EPN2: variants seen among roughly 807,000 people sequenced by gnomAD.
EPN2 encodes the protein epsin 2, also known as epsin-2.
In EPN2, 34 loss-of-function variants were observed where a neutral mutation model predicts 61.7. The observed-to-expected ratio is 0.55, with a 90% CI of 0.42 to 0.73. The LOEUF (loss-of-function observed/expected upper bound fraction) is 0.73, where lower values mean the gene tolerates loss of function less well. Ranked by LOEUF, EPN2 falls within the 30% of genes least tolerant of loss-of-function variation. The pLI is 0.00. For missense variants in EPN2, 714 were observed against 839.2 expected (o/e 0.85, Z 1.84); for synonymous variants, 349 against 353.6 (o/e 0.99, Z 0.15).
intron 1 of EPN2, among the ~76,000 whole-genome samples, chr17:19,278,222 C>T (rs755962910): frequency 2.3e-4 from 35 of 152,158 alleles, no homozygotes; most frequent in Middle Eastern, 6.8e-3. Flanking sequence ...GTGATCTGCC[C>T]GCCTCGGCTT....
intron 5 of EPN2, among the ~76,000 whole-genome samples, chr17:19,311,023 C>T (rs1906112391): frequency 6.6e-6 from 1 of 152,062 alleles, no homozygotes; most frequent in African/African-American, 2.4e-5. Flanking sequence ...GTAGATGGGA[C>T]CAGGGGCAGC....
intron 1 of EPN2, among the ~76,000 whole-genome samples, chr17:19,269,882 A>C (rs534156672): frequency 6.6e-6 from 1 of 152,342 alleles, no homozygotes; most frequent in East Asian, 1.9e-4. Context: ...TTTCCATGCC[A>C]TCTTTTGGCC....
At chr17:19,301,267 A>G (rs1302435649) in intron 4 of EPN2, among the ~76,000 whole-genome samples, 1 of 152,148 alleles carries the variant, frequency 6.6e-6, no homozygotes, top group African/African-American at 2.4e-5. Flanking sequence ...ATCTTGCTCC[A>G]GTATGACCTC....
At chr17:19,267,623 A>G (rs1483772058) in intron 1 of EPN2, among the ~76,000 whole-genome samples, 1 of 151,672 alleles carries the variant, frequency 6.6e-6, no homozygotes, top group Non-Finnish European at 1.5e-5. Flanking sequence ...GCTCACTGCA[A>G]CCTCTGCCTC....
chr17:19,257,458 C>T (rs887782714), intron 1 of EPN2, among the ~76,000 whole-genome samples: 8 of 151,866 alleles, frequency 5.3e-5, no homozygotes, highest in Non-Finnish European at 1.0e-4. Context: ...AGGACCTATA[C>T]GTCAAGTCCT....
intron 1 of EPN2, among the ~76,000 whole-genome samples, chr17:19,255,311 T>C (rs2045062447): frequency 6.6e-6 from 1 of 152,132 alleles, no homozygotes; most frequent in African/African-American, 2.4e-5. Context: ...CTCTGGCCAC[T>C]AGGAAGCTCA....
chr17:19,269,997 A>G (rs2045237947), intron 1 of EPN2, among the ~76,000 whole-genome samples: 1 of 152,204 alleles, frequency 6.6e-6, no homozygotes, highest in Admixed American at 6.5e-5. Context: ...AGCTACAAAG[A>G]ATGAGAATAA....
At chr17:19,324,926 A>C (rs1906800454) in intron 7 of EPN2, among the ~76,000 whole-genome samples, 1 of 152,226 alleles carries the variant, frequency 6.6e-6, no homozygotes. Context: ...GAAACAGCAT[A>C]ACTGCCGGCA....
chr17:19,242,507 T>A (rs1295079455), intron 1 of EPN2, among the ~76,000 whole-genome samples: 1 of 152,222 alleles, frequency 6.6e-6, no homozygotes, highest in East Asian at 1.9e-4. Flanking sequence ...CATTGGATTC[T>A]TTCTGTGACT....
At chr17:19,251,354 G>C (rs2045013177) in intron 1 of EPN2, among the ~76,000 whole-genome samples, 1 of 152,156 alleles carries the variant, frequency 6.6e-6, no homozygotes, top group South Asian at 2.1e-4. Context: ...CTGGAGGTGA[G>C]CTCTCTTTGC....
chr17:19,330,424 C>A (rs1169909713), intron 9 of EPN2, among the ~76,000 whole-genome samples: 1 of 152,132 alleles, frequency 6.6e-6, no homozygotes, highest in African/African-American at 2.4e-5. Flanking sequence ...TAGCCACAAG[C>A]CTGGCTAGGC....
At chr17:19,248,148 C>T (rs1037466861) in intron 1 of EPN2, among the ~76,000 whole-genome samples, 35 of 152,170 alleles carry the variant, frequency 2.3e-4, no homozygotes, top group African/African-American at 7.5e-4. Context: ...TAATGTGGTG[C>T]GGGGACTGGG....
At chr17:19,252,478 C>T (rs945448490) in intron 1 of EPN2, among the ~76,000 whole-genome samples, 1 of 152,096 alleles carries the variant, frequency 6.6e-6, no homozygotes, top group African/African-American at 2.4e-5. Context: ...ACAGTTAATT[C>T]TAGGCTCCCC....
intron 7 of EPN2, among the ~76,000 whole-genome samples, chr17:19,316,578 T>TG (rs1906393342): frequency 6.6e-6 from 1 of 152,256 alleles, no homozygotes; most frequent in Non-Finnish European, 1.5e-5. Flanking sequence ...AGATAGCCAC[T>TG]GTTAAAATGT....
intron 4 of EPN2, among the ~76,000 whole-genome samples, chr17:19,305,268 C>T (rs1465243230): frequency 2.0e-5 from 3 of 152,036 alleles, no homozygotes; most frequent in Admixed American, 6.5e-5. Flanking sequence ...ACTACAGGCA[C>T]GTGCCACCAC....
chr17:19,267,338 TA>T (rs1190294372), intron 1 of EPN2, among the ~76,000 whole-genome samples: 4 of 150,728 alleles, frequency 2.7e-5, no homozygotes, highest in East Asian at 3.9e-4. Flanking sequence ...GTGAATATAC[TA>T]AAAAAAAACC....
chr17:19,308,540 G>T, intron 4 of EPN2: 1 of 985,456 alleles, frequency 1.0e-6, no homozygotes, highest in Non-Finnish European at 1.2e-6. Context: ...GAGGTGCAGA[G>T]TCTGACACAG....
intron 1 of EPN2, among the ~76,000 whole-genome samples, chr17:19,250,912 C>T (rs1455532203): frequency 2.0e-5 from 3 of 151,862 alleles, no homozygotes; most frequent in African/African-American, 4.8e-5. Flanking sequence ...GCCTGGCACA[C>T]ACTGTCCCTC....
chr17:19,248,041 C>T (rs1421872295), intron 1 of EPN2, among the ~76,000 whole-genome samples: 1 of 152,156 alleles, frequency 6.6e-6, no homozygotes, highest in Admixed American at 6.5e-5. Context: ...TTCTCATAGT[C>T]TGTGTGGGTT....
Sources: allele counts gnomAD v4.1 joint callset (sites outside exome capture counted in the v4.1 genomes callset), GRCh38; gene constraint gnomAD v4.1.1; transcripts MANE v1.5; gene names NCBI Gene and HGNC (gene_info 2026-07-23, HGNC 2026-07-21).